The following SYTL5 variants were observed in gnomAD, a reference collection of about 807,000 sequenced individuals.
SYTL5 encodes the protein synaptotagmin like 5, also known as synaptotagmin-like protein 5.
A neutral mutation model predicts 55.9 loss-of-function variants in SYTL5; 34 were observed. The ratio of observed to expected loss-of-function variants is 0.61; its 90% CI spans 0.46 to 0.81. The LOEUF (loss-of-function observed/expected upper bound fraction) is 0.81, where lower values mean the gene tolerates loss of function less well. Among genes scored for constraint, SYTL5 ranks in the 30% least tolerant of loss-of-function variants. SYTL5 has a pLI of 0.00. For synonymous variants in SYTL5, 221 were observed against 188.7 expected (o/e 1.17, Z -1.40); for missense variants, 637 against 546.7 (o/e 1.17, Z -1.65).
chrX:38,043,690 T>TATATACACAC (rs1366385489), intron 2 of SYTL5, among the ~76,000 whole-genome samples: 1 of 69,556 alleles, frequency 1.4e-5, no homozygotes, highest in Non-Finnish European at 2.4e-5. Context: ...TATATATATA[T>TATATACACAC]ACATATATAT....
the SYTL5 span, among the ~76,000 whole-genome samples, chrX:37,937,068 C>T: frequency 1.4e-4 from 15 of 103,636 alleles, no homozygotes; most frequent in East Asian, 1.8e-3. Context: ...AAAAAAAGTA[C>T]GTTGACAGAT....
At chrX:38,054,445 G>T (rs941335835) in intron 3 of SYTL5, 23 bp downstream of exon 3, 2 of 1,175,870 alleles carry the variant, frequency 1.7e-6, no homozygotes, top group Non-Finnish European at 2.3e-6. Flanking sequence ...ATTTTTCATG[G>T]AAAGTGGAGA....
chrX:38,041,258 C>T (rs964014760), intron 2 of SYTL5, among the ~76,000 whole-genome samples: 8 of 112,323 alleles, frequency 7.1e-5, no homozygotes, highest in African/African-American at 2.6e-4. Context: ...ATTATACATT[C>T]AGCCTGGAAG....
At chrX:38,101,163 G>A (rs1026466553) in intron 9 of SYTL5, among the ~76,000 whole-genome samples, 10 of 111,033 alleles carry the variant, frequency 9.0e-5, no homozygotes, top group East Asian at 2.8e-4. Context: ...CAGAGTATAC[G>A]CTTATGCAGT....
chrX:37,901,011 C>A, the SYTL5 span, among the ~76,000 whole-genome samples: 14 of 112,098 alleles, frequency 1.2e-4, no homozygotes, highest in Non-Finnish European at 2.6e-4. Flanking sequence ...CTGGAAGGAG[C>A]ACTTAGTGCA....
intron 3 of SYTL5, among the ~76,000 whole-genome samples, chrX:38,069,570 A>G (rs773972345): frequency 8.9e-6 from 1 of 112,207 alleles, no homozygotes. Context: ...TTCTCAGCAC[A>G]TAAAATCTTT....
chrX:38,080,332 C>A (rs1248188410), intron 6 of SYTL5, among the ~76,000 whole-genome samples: 1 of 112,212 alleles, frequency 8.9e-6, no homozygotes, highest in African/African-American at 3.2e-5. Flanking sequence ...TCTATCATGT[C>A]ATTGGAGAAT....
chrX:38,002,605 G>C (rs369215295), upstream of SYTL5, among the ~76,000 whole-genome samples: 48 of 112,219 alleles, frequency 4.3e-4, no homozygotes, highest in African/African-American at 1.5e-3. Flanking sequence ...TTGCATTTCT[G>C]TGATGGCCAG....
chrX:38,096,817 C>G (rs1198803784), intron 9 of SYTL5, among the ~76,000 whole-genome samples: 1 of 110,936 alleles, frequency 9.0e-6, no homozygotes, highest in Non-Finnish European at 1.9e-5. Flanking sequence ...GATAGTTTTT[C>G]CAAAGCACAC....
the SYTL5 span, among the ~76,000 whole-genome samples, chrX:37,929,523 G>A: frequency 6.7e-3 from 748 of 112,152 alleles, 5 homozygotes; most frequent in African/African-American, 0.023. Context: ...GGGCAAGGCT[G>A]TATTATGCTT....
rs1555934092 is a variant in SYTL5, at chrX:38,094,371, GA to G, written c.911del (p.Asn304ThrfsTer8). 1.7e-6 allele frequency: 2 copies of G among 1,204,773 alleles called. No homozygotes were observed. Among genetic ancestry groups the G allele is most frequent in the Non-Finnish European group, 2.2e-6 (2 of 891,776 alleles). ...TSQELTKSHR[R>X]NTSGTPSIAV... is the part of the protein sequence containing the mutation. ...CAGGAGCTCACAAAGAGTCACCGCA[GA>G]AACACTTCTGGCACACCTTCCATAG... On this transcript the variant is annotated frameshift_variant, in exon 8 of 17. Coordinates refer to ENST00000297875, the MANE Select transcript of SYTL5 (RefSeq NM_138780.3). LOFTEE classifies it high-confidence loss of function.
At chrX:38,022,649 T>C (rs1934596310) in intron 1 of SYTL5, among the ~76,000 whole-genome samples, 1 of 112,183 alleles carries the variant, frequency 8.9e-6, no homozygotes. Flanking sequence ...ACCCATCTAA[T>C]CCAGGCTAAT....
intron 14 of SYTL5, among the ~76,000 whole-genome samples, chrX:38,120,756 G>A (rs1166372927): frequency 9.1e-6 from 1 of 110,283 alleles, no homozygotes; most frequent in Non-Finnish European, 1.9e-5. Flanking sequence ...TTGGGGGAAG[G>A]CAGGCTGCTG....
At chrX:38,055,055 G>T (rs1935744112) in intron 3 of SYTL5, among the ~76,000 whole-genome samples, 1 of 111,571 alleles carries the variant, frequency 9.0e-6, no homozygotes, top group African/African-American at 3.3e-5. Context: ...GAGCATCCTT[G>T]TCTCAGGGCC....
At chrX:37,895,408 TTTTCC>T in the SYTL5 span, among the ~76,000 whole-genome samples, 1 of 90,785 alleles carries the variant, frequency 1.1e-5, no homozygotes, top group Non-Finnish European at 2.1e-5. Flanking sequence ...TTAGTTTTTC[TTTTCC>T]TTCCTTCCTT....
chrX:37,986,773 G>A, the SYTL5 span, among the ~76,000 whole-genome samples: 1 of 112,063 alleles, frequency 8.9e-6, no homozygotes, highest in Non-Finnish European at 1.9e-5. Flanking sequence ...AACTAAGGTA[G>A]TGATGAAGCT....
the SYTL5 span, among the ~76,000 whole-genome samples, chrX:37,997,280 T>C: frequency 8.9e-6 from 1 of 112,089 alleles, no homozygotes; most frequent in Non-Finnish European, 1.9e-5. Context: ...CCCTTTCAAA[T>C]TGGTGTGGCA....
At chrX:37,894,381 A>G in the SYTL5 span, among the ~76,000 whole-genome samples, 1 of 111,914 alleles carries the variant, frequency 8.9e-6, no homozygotes, top group African/African-American at 3.2e-5. Flanking sequence ...ACAGTTTTCC[A>G]AAGGAGTGGA....
At position 38,128,467 on chromosome X, in the gene SYTL5, G is replaced by A. The variant is rs779334353; in HGVS notation, c.*1737G>A. The stretch of plus-strand genomic sequence containing the variant: ...TCATGCGAGTTCATATAAAATCCTC[G>A]AAAGTTTAGAAACTAGGTTTTAGTA... On this transcript the variant is annotated 3_prime_UTR_variant, in exon 17 of 17. Coordinates refer to ENST00000297875, the MANE Select transcript of SYTL5 (RefSeq NM_138780.3). 2 of 111,475 alleles carry A rather than the reference G, an allele frequency of 1.8e-5. No individual in the cohort carries two copies. The highest frequency in any genetic ancestry group is 3.8e-4 in the South Asian group (1 of 2,633). The allele number at this position is 111,475 out of a possible 1,213,427, so 9.2% of individuals were successfully genotyped here.
Sources: gnomAD v4.1 joint callset for allele counts (sites outside exome capture counted in the v4.1 genomes callset) on GRCh38, gnomAD v4.1.1 for gene constraint, MANE v1.5 for transcripts, NCBI Gene and HGNC (gene_info 2026-07-23, HGNC 2026-07-21) for gene names.